DPH6: variants seen among roughly 807,000 people sequenced by gnomAD.
DPH6 encodes diphthamine biosynthesis 6.
DPH6 carries 33 observed loss-of-function variants against 38.2 expected under a neutral mutation model. That is an observed-to-expected ratio of 0.86 (90% CI 0.65 to 1.15). The LOEUF is 1.15. Among genes scored for constraint, DPH6 ranks in the 50% most tolerant of loss-of-function variants. The pLI is 0.00. For missense variants in DPH6, 325 were observed against 320.0 expected, an observed-to-expected ratio of 1.02 and a Z score of -0.12; for synonymous variants, 108 against 103.0, an observed-to-expected ratio of 1.05 and a Z score of -0.30.
intron 3 of DPH6, among the ~76,000 whole-genome samples, chr15:35,254,225 T>C (rs1242225594): frequency 6.6e-6 from 1 of 152,212 alleles, no homozygotes; most frequent in Non-Finnish European, 1.5e-5. Flanking sequence ...TGAGTTGACA[T>C]ACCAATCAAA....
the DPH6 span, among the ~76,000 whole-genome samples, chr15:35,208,009 C>T: frequency 3.3e-5 from 5 of 152,284 alleles, no homozygotes; most frequent in African/African-American, 1.2e-4. Context: ...CTACTAGCCT[C>T]ACTGAAAATA....
At chr15:35,449,533 T>C (rs757486056) in intron 5 of DPH6, among the ~76,000 whole-genome samples, 7 of 152,044 alleles carry the variant, frequency 4.6e-5, no homozygotes, top group African/African-American at 7.2e-5. Flanking sequence ...TGAACTTCAT[T>C]ATGGAATTAT....
intron 3 of DPH6, chr15:35,520,629 A>T: frequency 1.0e-6 from 1 of 984,898 alleles, no homozygotes; most frequent in Non-Finnish European, 1.2e-6. Flanking sequence ...ATAATGCAAA[A>T]GTAAAAGGGA....
At position 35,260,570 on chromosome 15, in the gene DPH6, C is replaced by T. The variant is rs1486008933; in HGVS notation, n.201-39988G>A. Among the ~76,000 whole-genome samples the T allele has an allele frequency of 9.9e-5, 15 of 151,396 alleles. No homozygotes were observed. In the South Asian group the frequency reaches 1.5e-3, roughly 15 times the overall value. On this transcript the variant is annotated intron_variant and non_coding_transcript_variant, in intron 3 of 3. Coordinates refer to the DPH6 transcript ENST00000560386. ...ATATTAAACTTAAGTAATCTGAAGACTTCATTTATAAAAAAATGTTTTTCC... is the reference window on the plus strand; with the variant it reads ...ATATTAAACTTAAGTAATCTGAAGATTTCATTTATAAAAAAATGTTTTTCC...
the DPH6 span, among the ~76,000 whole-genome samples, chr15:35,167,765 T>G: frequency 6.6e-6 from 1 of 152,054 alleles, no homozygotes; most frequent in Non-Finnish European, 1.5e-5. Flanking sequence ...TCCACAAACC[T>G]AAGAAGTCAA....
At position 35,332,539 on chromosome 15, in the gene DPH6, A is replaced by G. The variant is rs74531819; in HGVS notation, n.208-1462T>C. 9.4e-4 allele frequency among the ~76,000 whole-genome samples: 143 copies of G among 152,286 alleles called. No individual in the cohort carries two copies. In the East Asian group the frequency reaches 0.021, roughly 23 times the overall value. On this transcript the variant is annotated intron_variant and non_coding_transcript_variant, in intron 3 of 3. Transcript: ENST00000558973. The stretch of plus-strand genomic sequence containing the variant: ...ACACATTGTCTTAATTGTACTTTTT[A>G]AAAGGCCATATATTATTGCAGTTAA...
intron 6 of DPH6, among the ~76,000 whole-genome samples, chr15:35,407,497 C>A (rs1439570355): frequency 6.6e-6 from 1 of 151,950 alleles, no homozygotes; most frequent in South Asian, 2.1e-4. Flanking sequence ...TAACATCTGC[C>A]AAAATCTTGG....
intron 3 of DPH6, chr15:35,521,993 C>T (rs1203809457): frequency 3.4e-6 from 5 of 1,480,678 alleles, no homozygotes; most frequent in Non-Finnish European, 4.5e-6. Context: ...CGTCAACTAC[C>T]AGCAAGCAGA....
chr15:35,368,473 T>C (rs2052680945), downstream of DPH6, among the ~76,000 whole-genome samples: 2 of 152,028 alleles, frequency 1.3e-5, no homozygotes, highest in East Asian at 1.9e-4. Context: ...CAGGGAGTCA[T>C]ACACTAGAAA....
At chr15:35,495,255 T>C (rs1244214406) in intron 3 of DPH6, among the ~76,000 whole-genome samples, 1 of 152,156 alleles carries the variant, frequency 6.6e-6, no homozygotes, top group Non-Finnish European at 1.5e-5. Flanking sequence ...TCCGGTATCC[T>C]TATAATTATG....
At chr15:35,291,349 A>C (rs1304782478) in intron 3 of DPH6, among the ~76,000 whole-genome samples, 2 of 152,094 alleles carry the variant, frequency 1.3e-5, no homozygotes, top group Non-Finnish European at 2.9e-5. Flanking sequence ...GGATAGGTTA[A>C]ATTATTTATT....
rs1034426023 is a variant in DPH6, at chr15:35,231,778, G to A, written n.201-11196C>T. 1.3e-5 allele frequency among the ~76,000 whole-genome samples: 2 copies of A among 152,124 alleles called. 1 individual carries two copies. The highest frequency in any genetic ancestry group is 4.8e-5 in the African/African-American group (2 of 41,422). On this transcript the variant is annotated intron_variant and non_coding_transcript_variant, in intron 3 of 3. Coordinates refer to the DPH6 transcript ENST00000560386. ...GCCTCAGGAAGTTTTTACTTATGGT[G>A]GCAGGGAAGAGGAGCCAGCATGTCA... is the stretch of plus-strand genomic sequence containing the variant.
At chr15:35,540,519 C>T (rs1595455857) in intron 2 of DPH6, among the ~76,000 whole-genome samples, 2 of 152,134 alleles carry the variant, frequency 1.3e-5, no homozygotes, top group South Asian at 4.1e-4. Flanking sequence ...TGCTGATTTT[C>T]ATCAAGATGA....
chr15:35,277,616 T>C (rs1215690858), intron 3 of DPH6, among the ~76,000 whole-genome samples: 3 of 152,302 alleles, frequency 2.0e-5, no homozygotes, highest in South Asian at 2.1e-4. Flanking sequence ...AAGGAAAGTT[T>C]CCAACTTCTT....
chr15:35,151,343 TGA>T, the DPH6 span, among the ~76,000 whole-genome samples: 1 of 152,250 alleles, frequency 6.6e-6, no homozygotes, highest in African/African-American at 2.4e-5. Flanking sequence ...TCCTGTGGAC[TGA>T]GAGTCTTTAT....
At chr15:35,372,984 TTCCACAAGATATCTTTAA>T (rs1394181356) in intron 8 of DPH6, among the ~76,000 whole-genome samples, 1 of 152,024 alleles carries the variant, frequency 6.6e-6, no homozygotes, top group African/African-American at 2.4e-5. Flanking sequence ...CAGAACTTTA[TTCCACAAGATATCTTTAA>T]ATTAAAATTT....
intron 5 of DPH6, among the ~76,000 whole-genome samples, chr15:35,417,280 CT>C (rs923605005): frequency 7.2e-5 from 11 of 151,956 alleles, no homozygotes; most frequent in African/African-American, 2.6e-4. Context: ...AAAAACAGAT[CT>C]TTTTAGTGTG....
intron 3 of DPH6, among the ~76,000 whole-genome samples, chr15:35,272,578 A>G (rs1433963800): frequency 6.6e-6 from 1 of 151,820 alleles, no homozygotes; most frequent in Non-Finnish European, 1.5e-5. Flanking sequence ...ATAATAAGTA[A>G]CTTCTTGCTC....
intron 3 of DPH6, among the ~76,000 whole-genome samples, chr15:35,498,790 G>C (rs1016255797): frequency 4.6e-5 from 7 of 151,466 alleles, no homozygotes; most frequent in Non-Finnish European, 1.5e-5. Flanking sequence ...TTTTTACGTA[G>C]ATGCCGTCAA....
Sources: gnomAD v4.1 joint callset for allele counts (sites outside exome capture counted in the v4.1 genomes callset) on GRCh38, gnomAD v4.1.1 for gene constraint, MANE v1.5 for transcripts, NCBI Gene and HGNC (gene_info 2026-07-23, HGNC 2026-07-21) for gene names.